Variants in ZPLD1 observed in about 807,000 individuals in gnomAD.
ZPLD1 encodes the protein zona pellucida like domain containing 1.
In ZPLD1, 34 loss-of-function variants were observed where a neutral mutation model predicts 47.2. The ratio of observed to expected loss-of-function variants is 0.72; its 90% CI spans 0.55 to 0.96. The LOEUF is 0.96. Ranked by LOEUF, ZPLD1 falls within the 40% of genes least tolerant of loss-of-function variation. ZPLD1 has a pLI of 0.00. For missense variants in ZPLD1, 512 were observed against 505.8 expected, an observed-to-expected ratio of 1.01 and a Z score of -0.12; for synonymous variants, 176 against 186.2, an observed-to-expected ratio of 0.95 and a Z score of 0.45.
chr3:102,449,629 C>T (rs1707307140), intron 3 of ZPLD1, among the ~76,000 whole-genome samples: 1 of 152,186 alleles, frequency 6.6e-6, no homozygotes, highest in Non-Finnish European at 1.5e-5. Context: ...ATCAGATTGA[C>T]TGTCTCAGCA....
At chr3:102,468,274 A>G (rs1210743102) in intron 8 of ZPLD1, among the ~76,000 whole-genome samples, 1 of 152,212 alleles carries the variant, frequency 6.6e-6, no homozygotes, top group African/African-American at 2.4e-5. Flanking sequence ...TATCTATTAA[A>G]TGATTATATG....
At chr3:102,459,055 A>G (rs1037601538) in intron 6 of ZPLD1, among the ~76,000 whole-genome samples, 2 of 131,990 alleles carry the variant, frequency 1.5e-5, no homozygotes, top group Admixed American at 9.2e-5. Context: ...GCACCACTGC[A>G]CTCCAGCCTG....
chr3:102,396,393 C>T (rs556123875), intron 7 of ZPLD1, among the ~76,000 whole-genome samples: 7 of 152,184 alleles, frequency 4.6e-5, no homozygotes, highest in East Asian at 1.9e-4. Flanking sequence ...ATGCTACCAA[C>T]GCACCGAACT....
At chr3:102,392,115 G>A (rs183004239) in intron 6 of ZPLD1, 3 of 152,220 alleles carry the variant, frequency 2.0e-5, no homozygotes, top group Admixed American at 2.0e-4. Flanking sequence ...TACAGAAAAA[G>A]TTTGCTGACT....
At chr3:102,453,275 T>A (rs758859860) in intron 4 of ZPLD1, 136 bp downstream of exon 4, 4 of 774,888 alleles carry the variant, frequency 5.2e-6, no homozygotes, top group Non-Finnish European at 8.2e-6. Flanking sequence ...CTTTGCCTGT[T>A]TGAGGCATGC....
At chr3:102,387,303 ATAGAT>A (rs887144694) in intron 6 of ZPLD1, among the ~76,000 whole-genome samples, 3 of 152,170 alleles carry the variant, frequency 2.0e-5, no homozygotes, top group African/African-American at 7.2e-5. Flanking sequence ...TATTTTACCT[ATAGAT>A]TAGTTTTAAA....
intron 7 of ZPLD1, among the ~76,000 whole-genome samples, chr3:102,408,584 G>C (rs1460069555): frequency 2.0e-5 from 3 of 151,838 alleles, no homozygotes; most frequent in African/African-American, 2.4e-5. Flanking sequence ...AGACCATCTA[G>C]AGACTTACAG....
chr3:102,466,373 T>C (rs1052867009), intron 8 of ZPLD1, among the ~76,000 whole-genome samples: 5 of 152,204 alleles, frequency 3.3e-5, no homozygotes, highest in African/African-American at 1.2e-4. Flanking sequence ...CAAACTTGAA[T>C]GATAAACAGA....
chr3:102,424,943 G>A (rs995097385), intron 8 of ZPLD1, among the ~76,000 whole-genome samples: 2 of 151,582 alleles, frequency 1.3e-5, no homozygotes, highest in Admixed American at 1.3e-4. Context: ...TGTGGAACAA[G>A]GAATTAGTAA....
Position 102,469,042 on chromosome 3 carries a change from A to G in ZPLD1, c.840A>G (p.Arg280=). The change falls in exon 9 of 12, where the codon CGA becomes CGG. Residue 280 remains arginine, a synonymous_variant. Coordinates refer to ENST00000466937, the MANE Select transcript of ZPLD1 (RefSeq NM_001329788.2). ...QRGRFSFEVF[R]FVKHKNQKMS... ...GCCGGTTTTCTTTTGAAGTGTTCCG[A>G]TTTGTGAAACACAAGAATCAGAAAA... 1 of 1,614,148 alleles carries G rather than the reference A, an allele frequency of 6.2e-7. No individual in the cohort carries two copies. The highest frequency in any genetic ancestry group is 8.5e-7 in the Non-Finnish European group (1 of 1,180,012).
At chr3:102,469,162 AGTT>A in intron 9 of ZPLD1, 27 bp downstream of exon 9, 4 of 1,596,626 alleles carry the variant, frequency 2.5e-6, no homozygotes, top group Non-Finnish European at 3.4e-6. Flanking sequence ...CTTCATTTTA[AGTT>A]GTTGAATTGA....
intron 7 of ZPLD1, among the ~76,000 whole-genome samples, chr3:102,410,945 C>A (rs1420652499): frequency 6.6e-6 from 1 of 151,512 alleles, no homozygotes; most frequent in Non-Finnish European, 1.5e-5. Context: ...TTTATTGGAC[C>A]AAATAAAAAT....
Position 102,470,541 on chromosome 3 carries a change from T to A in ZPLD1, c.1042+39T>A, listed in dbSNP as rs766330001. ...TCCTTCTGTATGTAGTAATAGACGGTTCCAAAATGCCTCGTTACTTGGCTT... is the reference window on the plus strand; with the variant it reads ...TCCTTCTGTATGTAGTAATAGACGGATCCAAAATGCCTCGTTACTTGGCTT... On this transcript the variant is annotated intron_variant, in intron 10 of 11. Transcript: ENST00000466937. 9 of 1,543,334 alleles carry A rather than the reference T, an allele frequency of 5.8e-6. No homozygotes were observed. The South Asian group carries it at 8.0e-5, about 14-fold the overall frequency.
intron 6 of ZPLD1, among the ~76,000 whole-genome samples, chr3:102,388,807 G>T (rs945933738): frequency 6.6e-6 from 1 of 152,042 alleles, no homozygotes; most frequent in Non-Finnish European, 1.5e-5. Context: ...AAATATTTCT[G>T]GGGGGGTGAG....
At chr3:102,438,342 C>T in intron 2 of ZPLD1, 138 bp from the exon 3 acceptor site, 1 of 590,606 alleles carries the variant, frequency 1.7e-6, no homozygotes, top group Non-Finnish European at 3.1e-6. Context: ...CGATAATCCT[C>T]AGTTATTTCG....
At chr3:102,431,988 A>G (rs1272308697), upstream of ZPLD1, among the ~76,000 whole-genome samples, 1 of 152,190 alleles carries the variant, frequency 6.6e-6, no homozygotes, top group African/African-American at 2.4e-5. Context: ...AGACTGTGTA[A>G]CATCATGATT....
chr3:102,424,141 T>C (rs563227645), intron 8 of ZPLD1, among the ~76,000 whole-genome samples: 29 of 152,292 alleles, frequency 1.9e-4, no homozygotes, highest in African/African-American at 6.7e-4. Context: ...GATGGCTCAG[T>C]CTTTGTTCCT....
chr3:102,418,615 G>A (rs1476439995), intron 8 of ZPLD1, among the ~76,000 whole-genome samples: 1 of 151,990 alleles, frequency 6.6e-6, no homozygotes, highest in African/African-American at 2.4e-5. Flanking sequence ...TCCAGCCACA[G>A]ACTTTGCCAG....
chr3:102,416,824 G>A (rs574839754), intron 7 of ZPLD1, among the ~76,000 whole-genome samples: 1 of 151,754 alleles, frequency 6.6e-6, no homozygotes, highest in Non-Finnish European at 1.5e-5. Context: ...ATGCTTTTTC[G>A]TGAAGCTGAC....
Sources: gnomAD v4.1 joint callset for allele counts (sites outside exome capture counted in the v4.1 genomes callset) on GRCh38, gnomAD v4.1.1 for gene constraint, MANE v1.5 for transcripts, NCBI Gene and HGNC (gene_info 2026-07-23, HGNC 2026-07-21) for gene names.